AARS1: variants seen among roughly 807,000 people sequenced by gnomAD.
AARS1 encodes alanine--tRNA ligase, cytoplasmic.
Under a neutral mutation model 108.9 loss-of-function variants are expected in AARS1, and 72 were observed. The observed-to-expected ratio is 0.66, with a 90% CI of 0.55 to 0.80. The LOEUF (loss-of-function observed/expected upper bound fraction) is 0.80. Ranked by LOEUF, AARS1 falls within the 30% of genes least tolerant of loss-of-function variation. AARS1 has a pLI of 0.00. For missense variants in AARS1, 1,193 were observed against 1,233.2 expected (o/e 0.97, Z 0.49); for synonymous variants, 489 against 465.7 (o/e 1.05, Z -0.64).
intron 11 of AARS1, among the ~76,000 whole-genome samples, chr16:70,263,313 T>C (rs1264963668): frequency 6.6e-6 from 1 of 152,182 alleles, no homozygotes; most frequent in Non-Finnish European, 1.5e-5. Context: ...GGCTCACACC[T>C]GTCATCCTGG....
chr16:70,275,936 C>CAAAAAAAAAAAAAAAAAAAAAAA (rs59002209), intron 4 of AARS1: 3 of 37,912 alleles, frequency 7.9e-5, no homozygotes, highest in African/African-American at 3.2e-4. Flanking sequence ...GACTCCATCT[C>CAAAAAAAAAAAAAAAAAAAAAAA]AAAAAAAAAA....
At chr16:70,265,905 A>C (rs2152158971) in intron 9 of AARS1, among the ~76,000 whole-genome samples, 1 of 152,252 alleles carries the variant, frequency 6.6e-6, no homozygotes, top group African/African-American at 2.4e-5. Flanking sequence ...TGGGCTGGGC[A>C]CCGTGGCTCG....
chr16:70,259,153 C>T lies in AARS1; in HGVS notation c.1819G>A (p.Ala607Thr), dbSNP rs377247120. 2 of 1,614,132 alleles carry T rather than the reference C, an allele frequency of 1.2e-6. No individual in the cohort carries two copies. Among genetic ancestry groups the T allele is most frequent in the Non-Finnish European group, 1.7e-6 (2 of 1,180,028 alleles). ...AGGGCGAAGTTCAGAATGTGCGTAG[C>T]TGTGTGGTTGCTCATGATGGGTCTT... ...RRRPIMSNHT[A>T]THILNFALRS... is the part of the protein sequence containing the mutation. Residue 607 changes from alanine to threonine, a missense_variant, in exon 14 of 21, where the codon GCT becomes ACT. Coordinates refer to ENST00000261772, the MANE Select transcript of AARS1 (RefSeq NM_001605.3).
chr16:70,265,272 T>G (rs1333135977), intron 10 of AARS1, 170 bp from the exon 11 acceptor site: 8 of 1,014,824 alleles, frequency 7.9e-6, no homozygotes, highest in Non-Finnish European at 1.2e-5. Context: ...AAACTTCTCT[T>G]GCAGTGTGGG....
intron 6 of AARS1, among the ~76,000 whole-genome samples, 153 bp downstream of exon 6, chr16:70,270,043 T>A (rs1960359719): frequency 6.6e-6 from 1 of 152,146 alleles, no homozygotes; most frequent in Admixed American, 6.6e-5. Flanking sequence ...CACCAATTTG[T>A]GGAGCCTCAC....
intron 1 of AARS1, among the ~76,000 whole-genome samples, chr16:70,286,413 C>T (rs1163948583): frequency 6.7e-6 from 1 of 150,188 alleles, no homozygotes; most frequent in Middle Eastern, 3.4e-3. Flanking sequence ...CTCTGTCACC[C>T]AGGCTGGAGC....
At chr16:70,253,422 G>A in intron 19 of AARS1, 41 bp from the exon 20 acceptor site, 3 of 1,497,946 alleles carry the variant, frequency 2.0e-6, no homozygotes, top group African/African-American at 1.4e-5. Context: ...GCTGGAGCAG[G>A]GACCCTCACT....
In AARS1 at chr16:70,268,316, G is replaced by A. The variant is rs2152160709; in HGVS notation, c.1026C>T (p.Ser342=). 6.2e-7 allele frequency: 1 copy of A among 1,614,190 alleles called. No individual in the cohort carries two copies. The highest frequency in any genetic ancestry group is 8.5e-7 in the Non-Finnish European group (1 of 1,180,022). The change falls in exon 8 of 21, where the codon AGC becomes AGT. Residue 342 remains serine, a synonymous_variant. Coordinates refer to ENST00000261772, the MANE Select transcript of AARS1 (RefSeq NM_001605.3). ...VRYAHEKLNA[S]RGFFATLVDV... ...CCACTAACGTAGCAAAGAAGCCCCT[G>A]CTGGCATTGAGCTTTTCATGGGCGT...
chr16:70,270,480 A>C lies in AARS1; in HGVS notation c.672-140T>G, dbSNP rs1296880774. The stretch of plus-strand genomic sequence containing the variant: ...TTTGCCCGGTTTGGTGGGAAGAGGG[A>C]AGTGGAGGGAGAAAGGAAGGAGAAA... On this transcript the variant is annotated intron_variant, in intron 5 of 20. Coordinates refer to ENST00000261772, the MANE Select transcript of AARS1 (RefSeq NM_001605.3). 6.0e-6 allele frequency: 6 copies of C among 992,660 alleles called. No homozygotes were observed. In the East Asian group the frequency reaches 1.5e-4, roughly 24 times the overall value. 61.5% of individuals were successfully genotyped at this position (992,660 alleles called of 1,614,324 possible).
intron 11 of AARS1, 133 bp from the exon 12 acceptor site, chr16:70,262,657 A>G: frequency 2.0e-6 from 2 of 989,210 alleles, no homozygotes; most frequent in Non-Finnish European, 2.9e-6. Context: ...TTTTGGAAGC[A>G]AACTCATTAG....
At chr16:70,269,322 G>GAAAAAAAAAA (rs56394253) in intron 7 of AARS1, among the ~76,000 whole-genome samples, 40 of 64,264 alleles carry the variant, frequency 6.2e-4, no homozygotes, top group African/African-American at 1.6e-3. Flanking sequence ...TTCTGTCTCA[G>GAAAAAAAAAA]AAAAAAAAAA....
chr16:70,285,162 G>C (rs118089442), intron 1 of AARS1, among the ~76,000 whole-genome samples: 5,556 of 151,918 alleles, frequency 0.037, 150 homozygotes, highest in East Asian at 0.11. Flanking sequence ...CTGGGAAATA[G>C]TGGTTGCAGT....
At chr16:70,278,581 C>T (rs2152167908) in intron 2 of AARS1, among the ~76,000 whole-genome samples, 1 of 150,396 alleles carries the variant, frequency 6.6e-6, no homozygotes, top group African/African-American at 2.4e-5. Context: ...AAAAAAAAAG[C>T]AAGAGAGAAA....
At chr16:70,273,861 T>TC (rs1229863812) in intron 4 of AARS1, among the ~76,000 whole-genome samples, 6 of 34,608 alleles carry the variant, frequency 1.7e-4, no homozygotes, top group African/African-American at 7.3e-4. Flanking sequence ...GGACTCCGTC[T>TC]CCAAAAAAAA....
In AARS1 at chr16:70,282,698, C is replaced by T; in HGVS notation, c.66G>A (p.Glu22=). ...TGGCAGACGAGTGAACATACGTATG[C>T]TCGTTCCTCTTGAAGAAATCTATAA... ...QRFIDFFKRN[E]HTYVHSSATI... is the part of the protein sequence containing the mutation. The change falls in exon 2 of 21, where the codon GAG becomes GAA. Residue 22 remains glutamate, a synonymous_variant. Transcript: ENST00000261772. The T allele has an allele frequency of 6.2e-7, 1 of 1,614,154 alleles. No homozygotes were observed. The highest frequency in any genetic ancestry group is 8.5e-7 in the Non-Finnish European group (1 of 1,180,038).
intron 2 of AARS1, among the ~76,000 whole-genome samples, chr16:70,277,855 C>T (rs775371291): frequency 5.9e-5 from 9 of 151,382 alleles, no homozygotes; most frequent in Non-Finnish European, 1.0e-4. Flanking sequence ...CGGGTTCAAG[C>T]GATTCTCTTG....
At position 70,267,933 on chromosome 16, in the gene AARS1, C is replaced by T. The variant is rs931603468; in HGVS notation, c.1072-124G>A. The T allele has an allele frequency of 2.9e-6, 4 of 1,382,676 alleles. No individual in the cohort carries two copies. In the African/African-American group the frequency reaches 4.3e-5, roughly 15 times the overall value. The allele number at this position is 1,382,676 out of a possible 1,614,324, so 85.7% of individuals were successfully genotyped here. ...CTGTAATCCTACCACTTTGGGAAGC[C>T]GAGGCAGGTGGATTGCCTGAGCTCA... On this transcript the variant is annotated intron_variant, in intron 8 of 20. Transcript: ENST00000261772.
chr16:70,276,389 T>G (rs1960551198), intron 4 of AARS1, 97 bp downstream of exon 4: 4 of 1,402,928 alleles, frequency 2.9e-6, no homozygotes, highest in Non-Finnish European at 4.0e-6. Flanking sequence ...AACCCTGAGA[T>G]GCAAAATGAC....
chr16:70,282,331 G>GAAAAAAA (rs57976512), intron 2 of AARS1, among the ~76,000 whole-genome samples: 1 of 110,324 alleles, frequency 9.1e-6, no homozygotes, highest in Non-Finnish European at 1.7e-5. Context: ...TCCGTCTCAG[G>GAAAAAAA]AAAAAAAAAA....
Sources: gnomAD v4.1 joint callset for allele counts (sites outside exome capture counted in the v4.1 genomes callset) on GRCh38, gnomAD v4.1.1 for gene constraint, MANE v1.5 for transcripts, NCBI Gene and HGNC (gene_info 2026-07-23, HGNC 2026-07-21) for gene names.